The following REXO5 variants were observed in gnomAD, a reference collection of about 807,000 sequenced individuals.
REXO5 encodes the protein exonuclease NEF-sp.
In REXO5, 48 loss-of-function variants were observed where a neutral mutation model predicts 88.5. That is an observed-to-expected ratio of 0.54 (90% CI 0.43 to 0.69). REXO5 has a LOEUF of 0.69. Among genes scored for constraint, REXO5 ranks in the 30% least tolerant of loss-of-function variants. The probability of loss-of-function intolerance (pLI) is 0.00; values close to 1 mark genes in which losing one functional copy is unlikely to be tolerated. For missense variants in REXO5, 749 were observed against 912.2 expected (o/e 0.82, Z 2.30); for synonymous variants, 311 against 336.5 (o/e 0.92, Z 0.83).
At chr16:20,810,490 CTCTCCCTCCCAGCGAT>C (rs2080980821) in intron 2 of REXO5, among the ~76,000 whole-genome samples, 1 of 151,852 alleles carries the variant, frequency 6.6e-6, no homozygotes, top group Non-Finnish European at 1.5e-5. Flanking sequence ...TCATTGCAAC[CTCTCCCTCCCAGCGAT>C]TCTCCTACCT....
intron 15 of REXO5, among the ~76,000 whole-genome samples, chr16:20,843,627 A>T (rs1182232774): frequency 6.6e-6 from 1 of 152,256 alleles, no homozygotes; most frequent in Non-Finnish European, 1.5e-5. Flanking sequence ...TTAAGCCAAA[A>T]GACAAATGGG....
chr16:20,820,535 T>TTTGCATTGTTCTGTA (rs1567389324), intron 5 of REXO5, among the ~76,000 whole-genome samples: 7 of 13,486 alleles, frequency 5.2e-4, no homozygotes, highest in Non-Finnish European at 1.4e-4. Flanking sequence ...TATATATATA[T>TTTGCATTGTTCTGTA]ATATATATAT....
intron 2 of REXO5, among the ~76,000 whole-genome samples, chr16:20,807,763 C>CA (rs199925689): frequency 0.051 from 7,441 of 145,074 alleles, 397 homozygotes; most frequent in African/African-American, 0.13. Flanking sequence ...AAAAACAAAA[C>CA]AAAAAAAAAA....
intron 8 of REXO5, 77 bp downstream of exon 8, chr16:20,826,025 C>A: frequency 1.1e-6 from 1 of 914,416 alleles, no homozygotes; most frequent in Non-Finnish European, 1.7e-6. Flanking sequence ...TGGCCCACAG[C>A]TTCAGTTTAG....
intron 6 of REXO5, chr16:20,823,474 A>G (rs912572817): frequency 1.3e-5 from 2 of 152,204 alleles, no homozygotes; most frequent in African/African-American, 4.8e-5. Flanking sequence ...CACTACTGTC[A>G]CATGAGCACG....
intron 15 of REXO5, among the ~76,000 whole-genome samples, chr16:20,842,478 G>GTTTTTTTTT (rs201370873): frequency 3.0e-5 from 4 of 133,064 alleles, no homozygotes; most frequent in African/African-American, 2.7e-5. Flanking sequence ...CCTTTGTTTT[G>GTTTTTTTTT]TTTGTTTTTT....
intron 3 of REXO5, among the ~76,000 whole-genome samples, chr16:20,813,796 C>G (rs2081039896): frequency 6.6e-6 from 1 of 152,056 alleles, no homozygotes; most frequent in Non-Finnish European, 1.5e-5. Flanking sequence ...TAGTGGCTCA[C>G]AGTTATAATC....
At chr16:20,812,515 ACT>A (rs1221842570) in intron 2 of REXO5, among the ~76,000 whole-genome samples, 1 of 152,000 alleles carries the variant, frequency 6.6e-6, no homozygotes, top group African/African-American at 2.4e-5. Flanking sequence ...ACAGAGTGAG[ACT>A]CTGTCTCAGA....
chr16:20,816,326 T>A (rs202044750), intron 5 of REXO5, 114 bp downstream of exon 5: 2 of 2,098 alleles, frequency 9.5e-4, no homozygotes, highest in Admixed American at 0.016. Context: ...ACAAAAACAA[T>A]TTTTTTTTTT....
chr16:20,806,704 C>T lies in REXO5; in HGVS notation c.-4C>T, dbSNP rs756652587. Reference sequence around the variant, plus strand: ...AGCCGTTGGGGAACCGTTGAGAATCCGGTAACCGATGCGGACGGTAAAGCC... The same window carrying T: ...AGCCGTTGGGGAACCGTTGAGAATCTGGTAACCGATGCGGACGGTAAAGCC... On this transcript the variant is annotated splice_region_variant and 5_prime_UTR_variant, in exon 1 of 20. Coordinates refer to ENST00000261377, the MANE Select transcript of REXO5 (RefSeq NM_030941.3). 9 of 1,005,954 alleles carry T rather than the reference C, an allele frequency of 8.9e-6. No individual in the cohort carries two copies. Among genetic ancestry groups the T allele is most frequent in the East Asian group, 2.7e-5 (1 of 37,420 alleles). The allele number at this position is 1,005,954 out of a possible 1,614,324, so 62.3% of individuals were successfully genotyped here. A position where few individuals can be genotyped will look rare whatever the true frequency, so the allele number is the denominator to read the frequency against.
intron 13 of REXO5, among the ~76,000 whole-genome samples, chr16:20,837,297 G>C (rs908551398): frequency 1.3e-5 from 2 of 152,142 alleles, no homozygotes; most frequent in Non-Finnish European, 2.9e-5. Context: ...ACTAAGCTAT[G>C]TCTCAGAGTT....
At chr16:20,808,108 C>G (rs1361179640) in intron 2 of REXO5, among the ~76,000 whole-genome samples, 5 of 152,140 alleles carry the variant, frequency 3.3e-5, no homozygotes, top group Admixed American at 6.5e-5. Context: ...GCTTATGAGA[C>G]TCTAATGATA....
intron 19 of REXO5, among the ~76,000 whole-genome samples, chr16:20,847,628 A>C (rs1242289673): frequency 1.3e-5 from 2 of 152,160 alleles, no homozygotes; most frequent in African/African-American, 4.8e-5. Context: ...AAAAGCAGAA[A>C]CAAGTATTAG....
At position 20,826,208 on chromosome 16, in the gene REXO5, A is replaced by G. The variant is rs2081257930; in HGVS notation, c.821+260A>G. Among the ~76,000 whole-genome samples, 5 of 152,198 alleles carry G rather than the reference A, an allele frequency of 3.3e-5. No individual in the cohort carries two copies. The South Asian group carries it at 1.0e-3, about 31-fold the overall frequency. On this transcript the variant is annotated intron_variant, in intron 8 of 19. Coordinates refer to ENST00000261377, the MANE Select transcript of REXO5 (RefSeq NM_030941.3). Reference sequence around the variant, plus strand: ...TTCCTTGTTCCAGAATCTCCCAATTATAATCATTATCTACAACTGCCAAAC... The same window carrying G: ...TTCCTTGTTCCAGAATCTCCCAATTGTAATCATTATCTACAACTGCCAAAC...
Position 20,824,464 on chromosome 16 carries a change from A to T in REXO5, c.642A>T (p.Leu214Phe). ...GTTTTCCTGATTGTGAAAACTTTTT[A>T]CTTACCAAATGTAATGGTTCTATAG... Reference protein sequence around the residue: ...LQGFPDCENFLLTKCNGSIAD... With the variant: ...LQGFPDCENFFLTKCNGSIAD... The change falls in exon 7 of 20, where the codon TTA (leucine) becomes TTT (phenylalanine). Residue 214 changes from leucine to phenylalanine, a missense_variant. Coordinates refer to ENST00000261377, the MANE Select transcript of REXO5 (RefSeq NM_030941.3). 1 of 1,610,338 alleles carries T rather than the reference A, an allele frequency of 6.2e-7. No homozygotes were observed. The highest frequency in any genetic ancestry group is 2.2e-5 in the East Asian group (1 of 44,814).
At chr16:20,834,299 TAATA>T (rs1252469063) in intron 13 of REXO5, among the ~76,000 whole-genome samples, 1 of 152,242 alleles carries the variant, frequency 6.6e-6, no homozygotes, top group Non-Finnish European at 1.5e-5. Flanking sequence ...CTCTTAATTC[TAATA>T]AATATGTGGG....
Position 20,849,421 on chromosome 16 carries a change from C to G in REXO5, c.2266C>G (p.Leu756Val). Residue 756 changes from leucine (L) to valine (V), a missense_variant, in exon 20 of 20, where the codon CTA (leucine) becomes GTA (valine). By Grantham distance (32) the Leu-to-Val change is conservative. Coordinates refer to ENST00000261377, the MANE Select transcript of REXO5 (RefSeq NM_030941.3). ...TKSTHGSLSG[L>V]GLMGIKEEEE... ...CAGCACTCATGGTTCACTCTCTGGT[C>G]TAGGACTGATGGGAATAAAAGAGGA... The G allele has an allele frequency of 6.2e-7, 1 of 1,613,940 alleles. No homozygotes were observed. Among genetic ancestry groups the G allele is most frequent in the African/African-American group, 1.3e-5 (1 of 75,026 alleles).
At chr16:20,820,581 T>A in intron 5 of REXO5, among the ~76,000 whole-genome samples, 1 of 51,732 alleles carries the variant, frequency 1.9e-5, no homozygotes, top group East Asian at 4.8e-4. Flanking sequence ...TTTTTTTTTT[T>A]GAGACAGAGC....
chr16:20,832,890 T>G, intron 12 of REXO5, 113 bp from the exon 13 acceptor site: 2 of 908,770 alleles, frequency 2.2e-6, no homozygotes, highest in Non-Finnish European at 3.2e-6. Context: ...ATTTTAATTT[T>G]AATAGCTATA....
Sources: allele counts gnomAD v4.1 joint callset (sites outside exome capture counted in the v4.1 genomes callset), GRCh38; gene constraint gnomAD v4.1.1; transcripts MANE v1.5; gene names NCBI Gene and HGNC (gene_info 2026-07-23, HGNC 2026-07-21).